RALGAPA1: variants seen among roughly 807,000 people sequenced by gnomAD.
RALGAPA1 encodes the protein Ral GTPase activating protein catalytic subunit alpha 1, also known as ral GTPase-activating protein subunit alpha-1.
In RALGAPA1, 52 loss-of-function variants were observed where a neutral mutation model predicts 269.6. The ratio of observed to expected loss-of-function variants is 0.19; its 90% CI spans 0.15 to 0.24. The LOEUF is 0.24. Among genes scored for constraint, RALGAPA1 ranks in the 10% least tolerant of loss-of-function variants. The pLI is 1.00. For synonymous variants in RALGAPA1, 817 were observed against 1,008.3 expected, an observed-to-expected ratio of 0.81 and a Z score of 3.60; for missense variants, 1,917 against 3,013.9, an observed-to-expected ratio of 0.64 and a Z score of 8.52.
At chr14:35,723,325 G>A in intron 14 of RALGAPA1, 61 bp from the exon 15 acceptor site, 3 of 893,566 alleles carry the variant, frequency 3.4e-6, no homozygotes, top group Non-Finnish European at 5.1e-6. Flanking sequence ...TTCAAAATCA[G>A]ACATTCAATT....
At chr14:35,796,701 A>G (rs1355391537) in intron 1 of RALGAPA1, among the ~76,000 whole-genome samples, 1 of 152,212 alleles carries the variant, frequency 6.6e-6, no homozygotes, top group Admixed American at 6.5e-5. Flanking sequence ...GAAACAATAC[A>G]AACAAGAATA....
At chr14:35,765,657 G>C (rs1343605347) in intron 4 of RALGAPA1, 2 of 239,892 alleles carry the variant, frequency 8.3e-6, no homozygotes, top group Non-Finnish European at 1.6e-5. Flanking sequence ...ACCACACCCA[G>C]CTAATTTTTG....
chr14:35,661,428 T>C (rs750287354), intron 27 of RALGAPA1, among the ~76,000 whole-genome samples: 1 of 152,168 alleles, frequency 6.6e-6, no homozygotes, highest in Admixed American at 6.5e-5. Flanking sequence ...GAAGTGGATG[T>C]ATGTTTAGCA....
chr14:35,587,459 G>C (rs2058372110), intron 37 of RALGAPA1, among the ~76,000 whole-genome samples: 1 of 152,102 alleles, frequency 6.6e-6, no homozygotes, highest in Non-Finnish European at 1.5e-5. Flanking sequence ...GCAAAGACTT[G>C]GGACCAACCC....
chr14:35,647,379 A>G (rs2062504388), intron 31 of RALGAPA1, among the ~76,000 whole-genome samples: 1 of 152,198 alleles, frequency 6.6e-6, no homozygotes, highest in Non-Finnish European at 1.5e-5. Context: ...GTTCTTAAAC[A>G]TTTGAGGTTA....
chr14:35,731,124 G>A lies in RALGAPA1; in HGVS notation c.1588-2614C>T, dbSNP rs542605647. Among the ~76,000 whole-genome samples, 17 of 152,330 alleles carry A rather than the reference G, an allele frequency of 1.1e-4. No homozygotes were observed. In the South Asian group the frequency reaches 2.1e-3, roughly 19 times the overall value. On this transcript the variant is annotated intron_variant, in intron 12 of 41. Transcript: ENST00000680220. ...GAGACTAGCTGGGTGGCTAGACACA[G>A]AAGAGAGACAACAATCACTGCGGTT...
At chr14:35,611,507 A>C (rs1471089844) in intron 35 of RALGAPA1, among the ~76,000 whole-genome samples, 1 of 149,244 alleles carries the variant, frequency 6.7e-6, no homozygotes, top group Non-Finnish European at 1.5e-5. Context: ...TCAAAAAAGA[A>C]AAAAAAAAAA....
intron 17 of RALGAPA1, 126 bp from the exon 18 acceptor site, chr14:35,690,129 A>G: frequency 4.5e-6 from 3 of 663,628 alleles, no homozygotes; most frequent in Non-Finnish European, 2.4e-6. Flanking sequence ...TCAATGAAAA[A>G]AAAATCAAAA....
intron 16 of RALGAPA1, among the ~76,000 whole-genome samples, chr14:35,719,625 C>T (rs1050526397): frequency 6.8e-6 from 1 of 147,076 alleles, no homozygotes; most frequent in Admixed American, 6.6e-5. Context: ...GGTCTTTATG[C>T]TTCCCTAAAT....
At chr14:35,736,026 C>T (rs376806368) in intron 12 of RALGAPA1, among the ~76,000 whole-genome samples, 1 of 152,046 alleles carries the variant, frequency 6.6e-6, no homozygotes, top group East Asian at 1.9e-4. Context: ...TTACAGGATC[C>T]CTCTGGCCAG....
intron 1 of RALGAPA1, among the ~76,000 whole-genome samples, chr14:35,786,604 T>C (rs1430939567): frequency 6.6e-6 from 1 of 152,092 alleles, no homozygotes; most frequent in Admixed American, 6.6e-5. Context: ...CACCACTGCA[T>C]TCCAGCACTC....
At chr14:35,568,399 C>T (rs1453198134) in intron 39 of RALGAPA1, among the ~76,000 whole-genome samples, 1 of 151,946 alleles carries the variant, frequency 6.6e-6, no homozygotes, top group Non-Finnish European at 1.5e-5. Context: ...GGATATTCAA[C>T]CTGTATTACA....
intron 1 of RALGAPA1, among the ~76,000 whole-genome samples, chr14:35,801,743 C>T (rs1329370306): frequency 6.6e-6 from 1 of 152,104 alleles, no homozygotes; most frequent in Non-Finnish European, 1.5e-5. Context: ...TAGAATGAAA[C>T]TCTCTAAATC....
At chr14:35,737,022 C>G (rs1454203251) in intron 12 of RALGAPA1, among the ~76,000 whole-genome samples, 1 of 143,386 alleles carries the variant, frequency 7.0e-6, no homozygotes, top group Non-Finnish European at 1.5e-5. Context: ...GGTGACAGAC[C>G]GAGGCTCCAT....
rs146614244 is a variant in RALGAPA1, at chr14:35,733,525, C to T, written c.1587+4988G>A. Among the ~76,000 whole-genome samples, 439 of 151,936 alleles carry T rather than the reference C, an allele frequency of 2.9e-3. 1 individual carries two copies. The highest frequency in any genetic ancestry group is 9.4e-3 in the African/African-American group (391 of 41,428). On this transcript the variant is annotated intron_variant, in intron 12 of 41. Coordinates refer to ENST00000680220, the MANE Select transcript of RALGAPA1 (RefSeq NM_001346249.2). ...GAACCAAAAAATTCTCCAAACTGAA[C>T]GACAATAATGACACAATCTATCAAA...
At chr14:35,548,420 G>T (rs1566649711) in intron 41 of RALGAPA1, 88 bp downstream of exon 41, 2 of 879,518 alleles carry the variant, frequency 2.3e-6, no homozygotes, top group Non-Finnish European at 3.4e-6. Context: ...TTTACTTATT[G>T]TTTAAGTTAC....
chr14:35,715,739 C>T (rs1327836617), intron 16 of RALGAPA1: 13 of 985,180 alleles, frequency 1.3e-5, no homozygotes, highest in African/African-American at 1.7e-5. Flanking sequence ...TCAAGATAAC[C>T]AATTTAACAT....
rs118106426 is a variant in RALGAPA1 at position 35,793,177 on chromosome 14, T to A, written c.106+15553A>T. Among the ~76,000 whole-genome samples, 262 of 152,098 alleles carry A rather than the reference T, an allele frequency of 1.7e-3. 3 individuals carry two copies. The East Asian group carries it at 0.022, about 13-fold the overall frequency. On this transcript the variant is annotated intron_variant, in intron 1 of 41. Coordinates refer to ENST00000680220, the MANE Select transcript of RALGAPA1 (RefSeq NM_001346249.2). ...TTAGTAACCTATGACAAGAGGATGG[T>A]GATGCCATTTATTAAAGTAGACGTA...
chr14:35,794,147 C>T (rs114652901), intron 1 of RALGAPA1, among the ~76,000 whole-genome samples: 1,627 of 152,100 alleles, frequency 0.011, 33 homozygotes, highest in African/African-American at 0.037. Context: ...GTCATGTATA[C>T]AGGATTACTA....
Sources: gnomAD v4.1 joint callset for allele counts (sites outside exome capture counted in the v4.1 genomes callset) on GRCh38, gnomAD v4.1.1 for gene constraint, MANE v1.5 for transcripts, NCBI Gene and HGNC (gene_info 2026-07-23, HGNC 2026-07-21) for gene names.